The following DNAJB11 variants were observed in gnomAD, a reference collection of about 807,000 sequenced individuals.
The protein encoded by DNAJB11 is dnaJ homolog subfamily B member 11.
A neutral mutation model predicts 47.2 loss-of-function variants in DNAJB11; 30 were observed. The observed-to-expected ratio is 0.64, with a 90% CI of 0.48 to 0.86. DNAJB11 has a LOEUF of 0.86. DNAJB11 is among the 40% of genes least tolerant of loss of function. DNAJB11 has a pLI of 0.00. For missense variants in DNAJB11, 357 were observed against 440.2 expected, an observed-to-expected ratio of 0.81 and a Z score of 1.69; for synonymous variants, 151 against 159.9, an observed-to-expected ratio of 0.94 and a Z score of 0.42.
chr3:186,575,160 TTAC>T (rs1481327467), intron 2 of DNAJB11, among the ~76,000 whole-genome samples: 3 of 152,196 alleles, frequency 2.0e-5, no homozygotes, highest in African/African-American at 7.2e-5. Context: ...GTATTTTTAC[TTAC>T]TACTCTTTCT....
At chr3:186,580,171 A>G (rs183040892) in intron 4 of DNAJB11, 1 of 152,346 alleles carries the variant, frequency 6.6e-6, no homozygotes, top group African/African-American at 2.4e-5. Context: ...TACACAGTAG[A>G]CATCACTTTT....
At chr3:186,583,521 C>T (rs1401188246) in intron 7 of DNAJB11, among the ~76,000 whole-genome samples, 1 of 152,186 alleles carries the variant, frequency 6.6e-6, no homozygotes, top group Non-Finnish European at 1.5e-5. Context: ...CCCATTTTAT[C>T]TGCATTTCTA....
chr3:186,577,577 A>T, intron 3 of DNAJB11, 91 bp from the exon 4 acceptor site: 1 of 1,223,736 alleles, frequency 8.2e-7, no homozygotes, highest in Non-Finnish European at 1.1e-6. Flanking sequence ...GATAGAAACA[A>T]TAGTTTATCA....
chr3:186,570,876 C>T lies in DNAJB11; in HGVS notation c.-22C>T. 1 of 1,599,176 alleles carries T rather than the reference C, an allele frequency of 6.3e-7. No homozygotes were observed. ...AGGAGGCTGTGAGGAGTGTGTGGAA[C>T]AGGACCCGGGACAGAGGAACCATGG... is the stretch of plus-strand genomic sequence containing the variant. On this transcript the variant is annotated 5_prime_UTR_variant, in exon 1 of 10. Coordinates refer to ENST00000265028, the MANE Select transcript of DNAJB11 (RefSeq NM_016306.6).
Position 186,572,096 on chromosome 3 carries a change from C to T in DNAJB11, c.70C>T (p.Arg24Ter), listed in dbSNP as rs2108473228. 1.3e-6 allele frequency: 2 copies of T among 1,572,632 alleles called. No individual in the cohort carries two copies. Among genetic ancestry groups the T allele is most frequent in the Non-Finnish European group, 1.7e-6 (2 of 1,164,740 alleles). ...GTATTCTCTCCCTCTACTTCCCAGACGAGATTTCTATAAGATCTTGGGGGT... is the reference window on the plus strand; with the variant it reads ...GTATTCTCTCCCTCTACTTCCCAGATGAGATTTCTATAAGATCTTGGGGGT... ...LYLIGAVIAG[R>*]DFYKILGVPR... The change falls in exon 2 of 10, where the codon CGA becomes TGA. Residue 24 changes from arginine (R) to a stop codon, truncating the protein, a stop_gained and splice_region_variant. Coordinates refer to ENST00000265028, the MANE Select transcript of DNAJB11 (RefSeq NM_016306.6). LOFTEE classifies it high-confidence loss of function.
chr3:186,572,160 A>T lies in DNAJB11; in HGVS notation c.134A>T (p.Tyr45Phe), dbSNP rs781313561. 8 of 1,613,750 alleles carry T rather than the reference A, an allele frequency of 5.0e-6. No individual in the cohort carries two copies. The South Asian group carries it at 7.7e-5, about 16-fold the overall frequency. Residue 45 changes from tyrosine to phenylalanine, a missense_variant, in exon 2 of 10, where the codon TAT (tyrosine) becomes TTT (phenylalanine). Tyr to Phe is a conservative substitution (Grantham distance 22). Coordinates refer to ENST00000265028, the MANE Select transcript of DNAJB11 (RefSeq NM_016306.6). ...TCTATAAAGGATATTAAAAAGGCCT[A>T]TAGGAAACTAGCCCTGCAGCTTCAT... ...SASIKDIKKA[Y>F]RKLALQLHPD...
At chr3:186,578,568 T>G (rs1325149737) in intron 4 of DNAJB11, 1 of 152,236 alleles carries the variant, frequency 6.6e-6, no homozygotes, top group Non-Finnish European at 1.5e-5. Context: ...TAATTTTTGC[T>G]CATCAAATGG....
chr3:186,575,368 CGTGTGTGTGT>C (rs3051602), intron 2 of DNAJB11, among the ~76,000 whole-genome samples: 5 of 143,358 alleles, frequency 3.5e-5, no homozygotes, highest in African/African-American at 1.3e-4. Flanking sequence ...CGCGCGCGCG[CGTGTGTGTGT>C]GTGTGTGTGT....
rs1403684322 is a variant in DNAJB11, at chr3:186,585,429, T to C, written c.*21T>C. ...ATTGAGAGTGAATAAAATTGGACTT[T>C]GTTTAAAATAAGTGAATAAGCGATA... On this transcript the variant is annotated 3_prime_UTR_variant, in exon 10 of 10. Transcript: ENST00000265028. The C allele has an allele frequency of 2.5e-6, 4 of 1,578,082 alleles. No homozygotes were observed. The highest frequency in any genetic ancestry group is 2.6e-6 in the Non-Finnish European group (3 of 1,156,372).
chr3:186,572,671 C>T (rs1263820492), intron 2 of DNAJB11, among the ~76,000 whole-genome samples: 3 of 152,232 alleles, frequency 2.0e-5, no homozygotes, highest in Non-Finnish European at 4.4e-5. Flanking sequence ...TGCAAACCTG[C>T]ATGTTCATAT....
intron 4 of DNAJB11, 83 bp downstream of exon 4, chr3:186,577,883 C>T (rs772094985): frequency 1.6e-6 from 2 of 1,221,348 alleles, no homozygotes; most frequent in East Asian, 2.6e-5. Context: ...TATGTACCTT[C>T]TCTGTCTTTT....
At position 186,581,414 on chromosome 3, in the gene DNAJB11, G is replaced by A. The variant is rs1715479571; in HGVS notation, c.500G>A (p.Arg167Gln). The A allele has an allele frequency of 1.9e-6, 3 of 1,613,802 alleles. No individual in the cohort carries two copies. The highest frequency in any genetic ancestry group is 2.5e-6 in the Non-Finnish European group (3 of 1,179,984). Residue 167 changes from arginine to glutamine, a missense_variant, in exon 5 of 10, where the codon CGG becomes CAG. Coordinates refer to ENST00000265028, the MANE Select transcript of DNAJB11 (RefSeq NM_016306.6). ...KPVARQAPGK[R>Q]KCNCRQEMRT... Reference sequence around the variant, plus strand: ...GTGGCAAGGCAGGCTCCTGGCAAACGGAAGTGCAATTGTCGGCAAGAGATG... The same window carrying A: ...GTGGCAAGGCAGGCTCCTGGCAAACAGAAGTGCAATTGTCGGCAAGAGATG...
chr3:186,572,881 T>A (rs1466806934), intron 2 of DNAJB11, among the ~76,000 whole-genome samples: 1 of 152,220 alleles, frequency 6.6e-6, no homozygotes, highest in African/African-American at 2.4e-5. Context: ...CTGGATGATT[T>A]AATTTTTCAA....
At chr3:186,583,788 C>T (rs967877946) in intron 7 of DNAJB11, 77 bp from the exon 8 acceptor site, 12 of 1,079,756 alleles carry the variant, frequency 1.1e-5, no homozygotes, top group African/African-American at 1.6e-5. Flanking sequence ...TGGTGTTCAC[C>T]TTTTTCCAAG....
In DNAJB11 at chr3:186,577,809, A is replaced by G; in HGVS notation, c.456+9A>G. On this transcript the variant is annotated intron_variant, in intron 4 of 9. Coordinates refer to ENST00000265028, the MANE Select transcript of DNAJB11 (RefSeq NM_016306.6). ...CAGGAAATTTTGTGGAAGTAAGTTC[A>G]AACAATATAGCTGTTCATATTGACT... 6.3e-7 allele frequency: 1 copy of G among 1,598,830 alleles called. No homozygotes were observed. The highest frequency in any genetic ancestry group is 2.3e-5 in the East Asian group (1 of 44,410).
In DNAJB11 at chr3:186,584,494, T is replaced by C; in HGVS notation, c.917T>C (p.Leu306Pro). 6.2e-7 allele frequency: 1 copy of C among 1,601,204 alleles called. No individual in the cohort carries two copies. The highest frequency in any genetic ancestry group is 8.5e-7 in the Non-Finnish European group (1 of 1,176,014). Residue 306 changes from leucine (L) to proline (P), a missense_variant, in exon 9 of 10, where the codon CTC becomes CCC. Leu to Pro is a moderately conservative substitution (Grantham distance 98, BLOSUM62 -3). Transcript: ENST00000265028. ...GAKLWKKGEG[L>P]PNFDNNNIKG... The stretch of plus-strand genomic sequence containing the variant: ...AAGCTATGGAAGAAAGGGGAAGGGC[T>C]CCCCAACTTTGACAACAACAATATC...
chr3:186,581,323 G>A, intron 4 of DNAJB11, 48 bp from the exon 5 acceptor site: 1 of 1,603,654 alleles, frequency 6.2e-7, no homozygotes, highest in African/African-American at 1.3e-5. Flanking sequence ...GGAAAGGAAA[G>A]GCTGTTTTAC....
In DNAJB11 at chr3:186,582,779, T is replaced by A; in HGVS notation, c.740+6T>A. Reference sequence around the variant, plus strand: ...TTCCGAATCAAAGTTGTCAAGTAAGTAATCTAATTTTAGAGGTCTTCTCAG... The same window carrying A: ...TTCCGAATCAAAGTTGTCAAGTAAGAAATCTAATTTTAGAGGTCTTCTCAG... On this transcript the variant is annotated splice_donor_region_variant and intron_variant, in intron 7 of 9. Transcript: ENST00000265028. 1 of 1,570,192 alleles carries A rather than the reference T, an allele frequency of 6.4e-7. No homozygotes were observed. Among genetic ancestry groups the A allele is most frequent in the Admixed American group, 1.9e-5 (1 of 53,694 alleles).
chr3:186,572,426 C>T (rs1333315654), intron 2 of DNAJB11, among the ~76,000 whole-genome samples, 175 bp downstream of exon 2: 1 of 152,174 alleles, frequency 6.6e-6, no homozygotes, highest in East Asian at 1.9e-4. Context: ...ACTGCAACGT[C>T]CACCTCCTGG....
Sources: gnomAD v4.1 joint callset for allele counts (sites outside exome capture counted in the v4.1 genomes callset) on GRCh38, gnomAD v4.1.1 for gene constraint, MANE v1.5 for transcripts, NCBI Gene and HGNC (gene_info 2026-07-23, HGNC 2026-07-21) for gene names.